CELF2: variants seen among roughly 807,000 people sequenced by gnomAD.
CELF2 encodes the protein CUGBP Elav-like family member 2.
CELF2 carries 8 observed loss-of-function variants against 62.6 expected under a neutral mutation model. The ratio of observed to expected loss-of-function variants is 0.13; its 90% confidence interval spans 0.07 to 0.23. The LOEUF is 0.23. Ranked by LOEUF, CELF2 falls within the 10% of genes least tolerant of loss-of-function variation. The pLI, the probability that CELF2 is intolerant of heterozygous loss-of-function variation, is 1.00. For missense variants in CELF2, 333 were observed against 671.0 expected (o/e 0.50, Z 5.56); for synonymous variants, 258 against 250.0 (o/e 1.03, Z -0.30).
the CELF2 span, among the ~76,000 whole-genome samples, chr10:10,463,715 G>A: frequency 9.2e-5 from 14 of 152,128 alleles, no homozygotes; most frequent in South Asian, 2.1e-4. Flanking sequence ...GAGTCTGCTT[G>A]GATTTGGGTC....
At chr10:11,078,557 C>T (rs1424835294) in intron 1 of CELF2, among the ~76,000 whole-genome samples, 1 of 152,184 alleles carries the variant, frequency 6.6e-6, no homozygotes, top group Non-Finnish European at 1.5e-5. Context: ...TCCAAATCCC[C>T]TATCTTCCAA....
intron 2 of CELF2, among the ~76,000 whole-genome samples, chr10:11,189,138 AT>A (rs1284787485): frequency 6.6e-6 from 1 of 152,022 alleles, no homozygotes. Flanking sequence ...AATTGTGAGT[AT>A]TTTCGGTCTG....
upstream of CELF2, chr10:11,005,252 G>C (rs572215098): frequency 9.5e-5 from 139 of 1,457,280 alleles, no homozygotes; most frequent in East Asian, 3.1e-3. The surrounding 1 kb of genome is among the most constrained non-coding windows in gnomAD (Gnocchi z 4.3). Flanking sequence ...GACAGAGAGA[G>C]AGGGAGAGAG....
chr10:10,996,500 G>C (rs999565424), intron 2 of CELF2, among the ~76,000 whole-genome samples: 1 of 152,172 alleles, frequency 6.6e-6, no homozygotes, highest in Non-Finnish European at 1.5e-5. Flanking sequence ...TACTGCCCCA[G>C]TTCCCAACTG....
chr10:11,275,953 G>A (rs998357246), intron 8 of CELF2, among the ~76,000 whole-genome samples: 3 of 152,180 alleles, frequency 2.0e-5, no homozygotes, highest in Non-Finnish European at 4.4e-5. Flanking sequence ...AAGGTGGGGG[G>A]AGAGAGCAAG....
intron 4 of CELF2, among the ~76,000 whole-genome samples, chr10:11,252,543 G>GT (rs1417632596): frequency 6.6e-6 from 1 of 152,224 alleles, no homozygotes; most frequent in Admixed American, 6.5e-5. Context: ...CGTCCATCGA[G>GT]CGATTCTGAG....
At chr10:11,252,953 G>T (rs922925244) in intron 4 of CELF2, among the ~76,000 whole-genome samples, 1 of 152,080 alleles carries the variant, frequency 6.6e-6, no homozygotes, top group Non-Finnish European at 1.5e-5. Context: ...CATCATAAAC[G>T]AGCAGAAACA....
chr10:10,704,386 T>C, the CELF2 span, among the ~76,000 whole-genome samples: 2 of 152,194 alleles, frequency 1.3e-5, no homozygotes, highest in Non-Finnish European at 2.9e-5. Context: ...TAGTCTGAAT[T>C]AGGAAGTTTC....
intron 7 of CELF2, among the ~76,000 whole-genome samples, chr10:11,274,495 A>G (rs1441723589): frequency 6.6e-6 from 1 of 152,260 alleles, no homozygotes; most frequent in Non-Finnish European, 1.5e-5. Context: ...GACAAGCTGT[A>G]TGTTTCACTC....
At chr10:11,026,242 G>A (rs1240409302) in intron 1 of CELF2, among the ~76,000 whole-genome samples, 2 of 152,286 alleles carry the variant, frequency 1.3e-5, no homozygotes, top group South Asian at 2.1e-4. Flanking sequence ...CTGTTGAAAG[G>A]GGTCCTTGAA....
At chr10:10,651,796 ACT>A in the CELF2 span, among the ~76,000 whole-genome samples, 37 of 151,914 alleles carry the variant, frequency 2.4e-4, no homozygotes, top group African/African-American at 8.7e-4. Context: ...AAAACTGGAA[ACT>A]CTAAAAAGCA....
rs2055018121 is a variant in CELF2 at position 10,804,630 on chromosome 10, TTGAA to T, written c.53+5817_53+5820del. 2.6e-5 allele frequency among the ~76,000 whole-genome samples: 4 copies of T among 152,348 alleles called. No homozygotes were observed. The South Asian group carries it at 8.3e-4, about 32-fold the overall frequency. On this transcript the variant is annotated intron_variant, in intron 1 of 13. Coordinates refer to the CELF2 transcript ENST00000636488. The stretch of plus-strand genomic sequence containing the variant: ...ATGGTTTACTGCATCCCTTAAATGT[TTGAA>T]TGAGCCTTAAAGCTGTAACGAACTA...
the CELF2 span, among the ~76,000 whole-genome samples, chr10:10,530,037 C>A: frequency 6.6e-6 from 1 of 152,196 alleles, no homozygotes; most frequent in African/African-American, 2.4e-5. Flanking sequence ...ACTCACCATT[C>A]CCCTTCACAC....
At chr10:11,045,384 T>A (rs1330078374) in intron 1 of CELF2, among the ~76,000 whole-genome samples, 1 of 152,070 alleles carries the variant, frequency 6.6e-6, no homozygotes, top group Admixed American at 6.5e-5. Context: ...ATTACAGGAG[T>A]GAGCCACTGC....
the CELF2 span, among the ~76,000 whole-genome samples, chr10:10,485,639 G>T: frequency 6.6e-6 from 1 of 152,216 alleles, no homozygotes; most frequent in African/African-American, 2.4e-5. Flanking sequence ...AATGTTCACA[G>T]TGCATCTACC....
At position 11,223,298 on chromosome 10, in the gene CELF2, G is replaced by A. The variant is rs1308132303; in HGVS notation, c.354+5791G>A. On this transcript the variant is annotated intron_variant, in intron 3 of 12. Transcript: ENST00000633077. The surrounding 1 kb of genome is among the most constrained non-coding windows in gnomAD (Gnocchi z 5.1). ...ACATGCCTCAAAAGGCACTGTGTCTGCCTCCTCATTTGTGTAGGTGTGAAC... is the reference window on the plus strand; with the variant it reads ...ACATGCCTCAAAAGGCACTGTGTCTACCTCCTCATTTGTGTAGGTGTGAAC... Among the ~76,000 whole-genome samples the A allele has an allele frequency of 6.6e-6, 1 of 152,228 alleles. No individual in the cohort carries two copies. The highest frequency in any genetic ancestry group is 1.5e-5 in the Non-Finnish European group (1 of 68,028).
At chr10:10,710,638 T>C in the CELF2 span, among the ~76,000 whole-genome samples, 2 of 152,170 alleles carry the variant, frequency 1.3e-5, no homozygotes, top group African/African-American at 2.4e-5. Flanking sequence ...TTTCTCACTG[T>C]TGTTTCTCTT....
At position 11,119,870 on chromosome 10, in the gene CELF2, C is replaced by CA. The variant is rs894881797; in HGVS notation, c.75-45616_75-45615insA. ...CTGGCTGCTTGATTCCGCCTCCCCC[C>CA]CCCCGGCCCCCGCTTTTTTGTTTAT... is the stretch of plus-strand genomic sequence containing the variant. On this transcript the variant is annotated intron_variant, in intron 1 of 12. Transcript: ENST00000633077. 2.3e-5 allele frequency among the ~76,000 whole-genome samples: 3 copies of CA among 133,264 alleles called. No homozygotes were observed. In the South Asian group the frequency reaches 7.4e-4, roughly 33 times the overall value. 87.4% of individuals were successfully genotyped at this position (133,264 alleles called of 152,430 possible). A position where few individuals can be genotyped will look rare whatever the true frequency, so the allele number is the denominator to read the frequency against.
In CELF2 at chr10:11,151,565, G is replaced by A. The variant is rs115492283; in HGVS notation, c.75-13921G>A. 3.9e-3 allele frequency among the ~76,000 whole-genome samples: 594 copies of A among 152,182 alleles called. 2 individuals carry two copies. Among genetic ancestry groups the A allele is most frequent in the African/African-American group, 0.011 (452 of 41,520 alleles). On this transcript the variant is annotated intron_variant, in intron 1 of 12. Coordinates refer to ENST00000633077, the MANE Select transcript of CELF2 (RefSeq NM_001326342.2). ...TTATTCCTGGAGATGTATCAGTACCGTATACACAGGGGACCCTATGTGTGG... is the reference window on the plus strand; with the variant it reads ...TTATTCCTGGAGATGTATCAGTACCATATACACAGGGGACCCTATGTGTGG...
Sources: gnomAD v4.1 joint callset for allele counts (sites outside exome capture counted in the v4.1 genomes callset) on GRCh38, gnomAD v4.1.1 for gene constraint, Gnocchi (gnomAD v3.1) non-coding constraint, MANE v1.5 for transcripts, NCBI Gene and HGNC (gene_info 2026-07-23, HGNC 2026-07-21) for gene names.